RAPGEF4: variants seen among roughly 807,000 people sequenced by gnomAD.
The protein encoded by RAPGEF4 is Rap guanine nucleotide exchange factor 4, also known as RAP guanine-nucleotide-exchange factor (GEF) 4.
Under a neutral mutation model 147.9 loss-of-function variants are expected in RAPGEF4, and 66 were observed. The observed-to-expected ratio is 0.45, with a 90% CI of 0.37 to 0.55. The LOEUF is 0.55. Ranked by LOEUF, RAPGEF4 falls within the 20% of genes least tolerant of loss-of-function variation. The pLI, the probability that RAPGEF4 is intolerant of heterozygous loss-of-function variation, is 0.00. For missense variants in RAPGEF4, 1,071 were observed against 1,257.3 expected, an observed-to-expected ratio of 0.85 and a Z score of 2.24; for synonymous variants, 419 against 442.7, an observed-to-expected ratio of 0.95 and a Z score of 0.67.
chr2:173,018,715 A>G lies in RAPGEF4; in HGVS notation c.2068A>G (p.Thr690Ala), dbSNP rs761654980. The change falls in exon 22 of 31, where the codon ACT becomes GCT. Residue 690 changes from threonine (T) to alanine (A), a missense_variant. Coordinates refer to ENST00000397081, the MANE Select transcript of RAPGEF4 (RefSeq NM_007023.4). ...CACAACCATTCGGGTGCCAGTGGCC[A>G]CTTCGGTGAAGGAAGTCATCAGTGC... Reference protein sequence around the residue: ...TYTTIRVPVATSVKEVISAVA... With the variant: ...TYTTIRVPVAASVKEVISAVA... 49 of 1,613,986 alleles carry G rather than the reference A, an allele frequency of 3.0e-5. 2 individuals carry two copies. In the South Asian group the frequency reaches 5.4e-4, roughly 18 times the overall value.
intron 4 of RAPGEF4, among the ~76,000 whole-genome samples, chr2:172,837,789 C>T (rs1459092203): frequency 1.3e-5 from 2 of 152,086 alleles, no homozygotes; most frequent in Non-Finnish European, 2.9e-5. Flanking sequence ...GTCTCAAACT[C>T]CCATCCTCAA....
At chr2:172,839,711 G>T (rs1266451915) in intron 4 of RAPGEF4, among the ~76,000 whole-genome samples, 1 of 152,158 alleles carries the variant, frequency 6.6e-6, no homozygotes, top group Admixed American at 6.5e-5. Context: ...TCCTATTTAA[G>T]ATGGAGTTGT....
At chr2:172,868,450 A>G (rs1425292070) in intron 4 of RAPGEF4, among the ~76,000 whole-genome samples, 1 of 152,172 alleles carries the variant, frequency 6.6e-6, no homozygotes, top group Non-Finnish European at 1.5e-5. Flanking sequence ...TTTTCATTCT[A>G]TGTTTTAATA....
At chr2:172,859,906 A>G (rs915807276) in intron 4 of RAPGEF4, 17 of 460,446 alleles carry the variant, frequency 3.7e-5, no homozygotes, top group Non-Finnish European at 4.9e-5. Flanking sequence ...TCCTGTCTCA[A>G]TGGAATATTG....
chr2:172,967,476 G>T, intron 10 of RAPGEF4, 32 bp downstream of exon 10: 8 of 1,595,562 alleles, frequency 5.0e-6, no homozygotes, highest in Non-Finnish European at 6.8e-6. Flanking sequence ...ACCCCTCCAG[G>T]TCCCAAGGCC....
intron 4 of RAPGEF4, chr2:172,893,647 A>G (rs1698174002): frequency 6.6e-6 from 1 of 152,214 alleles, no homozygotes; most frequent in African/African-American, 2.4e-5. Flanking sequence ...GTCACTATCA[A>G]ATTTTTTATG....
rs540379955 is a variant in RAPGEF4 at position 172,814,038 on chromosome 2, G to A, written c.298-241G>A. ...CAAAATTCTTTCATGACGGAAATCA[G>A]AACAAGTTATCTGAGTGTCTTGCCT... On this transcript the variant is annotated intron_variant, in intron 3 of 30. Coordinates refer to ENST00000397081, the MANE Select transcript of RAPGEF4 (RefSeq NM_007023.4). 3.9e-3 allele frequency among the ~76,000 whole-genome samples: 601 copies of A among 152,300 alleles called. 2 individuals carry two copies. The highest frequency in any genetic ancestry group is 6.8e-3 in the Middle Eastern group (2 of 294).
Position 172,821,501 on chromosome 2 carries a change from A to G in RAPGEF4, c.444+7076A>G, listed in dbSNP as rs1689056413. The G allele has an allele frequency of 3.0e-5, 25 of 835,562 alleles. 1 individual carries two copies. In the South Asian group the frequency reaches 1.3e-3, roughly 44 times the overall value. 51.8% of individuals were successfully genotyped at this position (835,562 alleles called of 1,614,324 possible). On this transcript the variant is annotated intron_variant, in intron 4 of 30. Coordinates refer to ENST00000397081, the MANE Select transcript of RAPGEF4 (RefSeq NM_007023.4). ...AAGAAAAATATATCCAAAAATAAAC[A>G]TGAAAGCCAAGACTTCATGCCAGGA...
intron 4 of RAPGEF4, among the ~76,000 whole-genome samples, chr2:172,903,642 T>C (rs1177508222): frequency 6.6e-6 from 1 of 152,168 alleles, no homozygotes; most frequent in African/African-American, 2.4e-5. Flanking sequence ...ACTGTTCTTC[T>C]GTAGTTTACA....
chr2:172,900,040 C>T (rs1166013268), intron 4 of RAPGEF4, among the ~76,000 whole-genome samples: 1 of 152,198 alleles, frequency 6.6e-6, no homozygotes, highest in African/African-American at 2.4e-5. Flanking sequence ...CCAGGGATAG[C>T]TCTAGACCTT....
chr2:172,932,025 T>C (rs1686050062), intron 6 of RAPGEF4, among the ~76,000 whole-genome samples: 1 of 148,048 alleles, frequency 6.8e-6, no homozygotes, highest in Non-Finnish European at 1.5e-5. Flanking sequence ...GCTTTATATT[T>C]TGTGTGTGTT....
chr2:173,000,575 T>G (rs1693795227), intron 16 of RAPGEF4, among the ~76,000 whole-genome samples: 1 of 152,160 alleles, frequency 6.6e-6, no homozygotes. Context: ...TGAAGCTTAT[T>G]TGGGGGACCT....
intron 4 of RAPGEF4, among the ~76,000 whole-genome samples, chr2:172,820,449 G>T (rs778785746): frequency 2.0e-5 from 3 of 152,206 alleles, no homozygotes; most frequent in Non-Finnish European, 4.4e-5. Flanking sequence ...TCAATTTGTA[G>T]TCTGACCTGT....
chr2:173,037,977 T>G (rs1413764080), intron 29 of RAPGEF4, among the ~76,000 whole-genome samples: 2 of 152,214 alleles, frequency 1.3e-5, no homozygotes, highest in African/African-American at 4.8e-5. Context: ...CCTGTAAGGA[T>G]CTGCAGCATT....
intron 28 of RAPGEF4, among the ~76,000 whole-genome samples, 197 bp from the exon 29 acceptor site, chr2:173,036,431 G>A (rs1243709169): frequency 6.6e-6 from 1 of 152,194 alleles, no homozygotes. Flanking sequence ...TGAAACAGAA[G>A]ATTAGTTTAA....
At chr2:172,881,413 G>T (rs566288682) in intron 4 of RAPGEF4, among the ~76,000 whole-genome samples, 22 of 152,248 alleles carry the variant, frequency 1.4e-4, no homozygotes, top group Admixed American at 3.9e-4. Context: ...CCTATTTAAT[G>T]CCAATATTTT....
At chr2:172,894,797 CT>C (rs1041410611) in intron 4 of RAPGEF4, among the ~76,000 whole-genome samples, 3 of 152,114 alleles carry the variant, frequency 2.0e-5, no homozygotes, top group African/African-American at 7.2e-5. Context: ...CATCTGTTTT[CT>C]TATTCCAGTT....
chr2:172,763,436 T>A (rs2149472203), intron 1 of RAPGEF4, among the ~76,000 whole-genome samples: 1 of 152,328 alleles, frequency 6.6e-6, no homozygotes, highest in South Asian at 2.1e-4. Context: ...GTAATTTTCA[T>A]ATGTGCTATG....
intron 1 of RAPGEF4, among the ~76,000 whole-genome samples, chr2:172,776,123 A>G (rs78259494): frequency 0.029 from 4,360 of 152,314 alleles, 240 homozygotes; most frequent in African/African-American, 0.098. Context: ...TTGGTTTAAT[A>G]TGTAACTCCT....
Sources: gnomAD v4.1 joint callset for allele counts (sites outside exome capture counted in the v4.1 genomes callset) on GRCh38, gnomAD v4.1.1 for gene constraint, MANE v1.5 for transcripts, NCBI Gene and HGNC (gene_info 2026-07-23, HGNC 2026-07-21) for gene names.